The following SATL1 variants were observed in gnomAD, a reference collection of about 807,000 sequenced individuals.
SATL1 encodes the protein spermidine/spermine N(1)-acetyltransferase-like protein 1.
SATL1 carries 47 observed loss-of-function variants against 51.8 expected under a neutral mutation model. That is an observed-to-expected ratio of 0.91 (90% CI 0.72 to 1.16). SATL1 has a LOEUF of 1.16. Ranked by LOEUF, SATL1 falls within the 50% of genes most tolerant of loss-of-function variation. The pLI, the probability that SATL1 is intolerant of heterozygous loss-of-function variation, is 0.00. For synonymous variants in SATL1, 176 were observed against 182.4 expected (o/e 0.97, Z 0.28); for missense variants, 520 against 526.4 (o/e 0.99, Z 0.12).
intron 2 of SATL1, among the ~76,000 whole-genome samples, chrX:85,173,777 T>TG (rs963683328): frequency 4.5e-5 from 5 of 110,243 alleles, no homozygotes; most frequent in Non-Finnish European, 9.5e-5. Flanking sequence ...GTCTTTTTTT[T>TG]TAATTATTAT....
At chrX:85,138,822 A>C (rs182030927) in intron 2 of SATL1, among the ~76,000 whole-genome samples, 1 of 111,472 alleles carries the variant, frequency 9.0e-6, no homozygotes, top group African/African-American at 3.3e-5. Flanking sequence ...GAGATTAAGG[A>C]AATCAGAGCA....
intron 2 of SATL1, among the ~76,000 whole-genome samples, chrX:85,197,831 C>G (rs1261965650): frequency 9.0e-6 from 1 of 110,520 alleles, no homozygotes; most frequent in Admixed American, 9.7e-5. Context: ...ATGAGCTCAT[C>G]ATTTTTTATG....
chrX:85,235,458 A>T (rs959418813), intron 1 of SATL1, among the ~76,000 whole-genome samples: 8 of 96,766 alleles, frequency 8.3e-5, no homozygotes, highest in Non-Finnish European at 1.6e-4. Context: ...ATAAGTCTTA[A>T]GAAATTCAAA....
At chrX:85,224,041 T>C (rs1172517829) in intron 2 of SATL1, among the ~76,000 whole-genome samples, 164 bp downstream of exon 2, 1 of 111,958 alleles carries the variant, frequency 8.9e-6, no homozygotes, top group Non-Finnish European at 1.9e-5. Flanking sequence ...CTCTTAACTA[T>C]TGTATTAGTT....
At chrX:85,205,614 AG>A (rs1183789989) in intron 2 of SATL1, among the ~76,000 whole-genome samples, 2 of 112,116 alleles carry the variant, frequency 1.8e-5, no homozygotes, top group Non-Finnish European at 3.8e-5. Context: ...AAAAATCCTT[AG>A]GAAAAAATGG....
At chrX:85,121,333 TATAA>T (rs1925500973) in intron 2 of SATL1, among the ~76,000 whole-genome samples, 1 of 105,282 alleles carries the variant, frequency 9.5e-6, no homozygotes, top group Non-Finnish European at 1.9e-5. Context: ...TATATAAATA[TATAA>T]ATATATACTA....
At chrX:85,112,553 G>A (rs537276869) in intron 2 of SATL1, among the ~76,000 whole-genome samples, 23 of 111,330 alleles carry the variant, frequency 2.1e-4, no homozygotes, top group African/African-American at 6.5e-4. Flanking sequence ...GCCTGCTACC[G>A]CTTGGGAGGG....
chrX:85,146,149 C>A (rs189558326), intron 2 of SATL1, among the ~76,000 whole-genome samples: 1 of 111,222 alleles, frequency 9.0e-6, no homozygotes, highest in African/African-American at 3.3e-5. Context: ...CTGCCTGCCT[C>A]GGCCTCCCAA....
rs993795460 is a variant in SATL1 at position 85,108,542 on chromosome X, C to A, written c.427G>T (p.Asp143Tyr). ...GMSQPVMQQL[D>Y]SQSGGSQPSM... ...GGTTGGCTCCCACCTGACTGGCTGT[C>A]TAGTTGCTGCATCACTGGTTGGCTC... is the stretch of plus-strand genomic sequence containing the variant. Residue 143 changes from aspartate (D) to tyrosine (Y), a missense_variant, in exon 3 of 8, where the codon GAC becomes TAC. By Grantham distance (160) the Asp-to-Tyr change is radical (BLOSUM62 -3). This residue lies in a region of SATL1 where 488 missense variants were observed against 474.3 expected (regional missense o/e 1.03). Coordinates refer to ENST00000644105, the MANE Select transcript of SATL1 (RefSeq NM_001367857.2). The A allele has an allele frequency of 3.3e-6, 4 of 1,209,564 alleles. No homozygotes were observed. In the Admixed American group the frequency reaches 6.6e-5, roughly 20 times the overall value.
At chrX:85,230,539 C>A (rs1412597695) in intron 1 of SATL1, among the ~76,000 whole-genome samples, 2 of 111,751 alleles carry the variant, frequency 1.8e-5, no homozygotes, top group Non-Finnish European at 3.8e-5. Context: ...AAAGCAGAAG[C>A]AACAACAAAA....
intron 2 of SATL1, among the ~76,000 whole-genome samples, chrX:85,222,554 T>C (rs906300450): frequency 9.0e-6 from 1 of 111,628 alleles, no homozygotes; most frequent in Admixed American, 9.5e-5. Flanking sequence ...AGAAAGAATT[T>C]ATTCTTTCCA....
intron 2 of SATL1, among the ~76,000 whole-genome samples, chrX:85,205,144 G>C (rs1158203334): frequency 9.0e-6 from 1 of 111,575 alleles, no homozygotes; most frequent in Non-Finnish European, 1.9e-5. Context: ...TAAAGTATAG[G>C]GTCACAGCAT....
At chrX:85,098,788 C>T (rs1279802460) in intron 4 of SATL1, among the ~76,000 whole-genome samples, 1 of 111,329 alleles carries the variant, frequency 9.0e-6, no homozygotes, top group East Asian at 2.8e-4. Context: ...CAAACAAAAG[C>T]TTACAAGATG....
chrX:85,194,758 C>A (rs1369115315), intron 2 of SATL1, among the ~76,000 whole-genome samples: 1 of 107,358 alleles, frequency 9.3e-6, no homozygotes, highest in Non-Finnish European at 1.9e-5. Flanking sequence ...TCATTCTCAG[C>A]AAACTATCAC....
At chrX:85,157,252 A>G (rs1292144153) in intron 2 of SATL1, among the ~76,000 whole-genome samples, 3 of 110,639 alleles carry the variant, frequency 2.7e-5, no homozygotes, top group Non-Finnish European at 5.7e-5. Context: ...GGGTTGATGA[A>G]TCAAGGAGAG....
chrX:85,170,974 G>A lies in SATL1; in HGVS notation c.-313+53231C>T, dbSNP rs372469019. ...TCTCATGAGTTTTATTTTACTGTGC[G>A]AATAAATTTTCATAAAATATCATGT... On this transcript the variant is annotated intron_variant, in intron 2 of 7. Coordinates refer to ENST00000644105, the MANE Select transcript of SATL1 (RefSeq NM_001367857.2). 5.4e-5 allele frequency among the ~76,000 whole-genome samples: 6 copies of A among 111,286 alleles called. No individual in the cohort carries two copies. The South Asian group carries it at 1.1e-3, about 20-fold the overall frequency.
intron 2 of SATL1, among the ~76,000 whole-genome samples, chrX:85,215,143 G>A (rs777041444): frequency 2.4e-4 from 27 of 111,593 alleles, no homozygotes; most frequent in Non-Finnish European, 4.7e-4. Context: ...TACAGCTTGC[G>A]TCCTCTGGAG....
chrX:85,100,174 A>G (rs1299721571), intron 4 of SATL1, among the ~76,000 whole-genome samples: 2 of 111,458 alleles, frequency 1.8e-5, no homozygotes, highest in Non-Finnish European at 3.8e-5. Context: ...CCAATGCACA[A>G]CAGAGCAAGA....
intron 1 of SATL1, among the ~76,000 whole-genome samples, chrX:85,242,408 A>T (rs1218032060): frequency 8.9e-6 from 1 of 112,747 alleles, no homozygotes; most frequent in Non-Finnish European, 1.9e-5. Context: ...CACAAGCCAA[A>T]TCTGGACTGC....
Sources: gnomAD v4.1 joint callset for allele counts (sites outside exome capture counted in the v4.1 genomes callset) on GRCh38, gnomAD v4.1.1 for gene constraint, gnomAD v4.1.1 regional missense constraint, MANE v1.5 for transcripts, NCBI Gene and HGNC (gene_info 2026-07-23, HGNC 2026-07-21) for gene names.